Variants in IP6K1 observed in about 807,000 individuals in gnomAD.
The protein encoded by IP6K1 is inositol hexakisphosphate kinase 1.
IP6K1 carries 13 observed loss-of-function variants against 38.3 expected under a neutral mutation model. The ratio of observed to expected loss-of-function variants is 0.34; its 90% CI spans 0.22 to 0.54. The LOEUF (loss-of-function observed/expected upper bound fraction) is 0.54, where lower values mean the gene tolerates loss of function less well. IP6K1 is among the 20% of genes least tolerant of loss of function. The probability of loss-of-function intolerance (pLI) is 0.92; values close to 1 mark genes in which losing one functional copy is unlikely to be tolerated. For missense variants in IP6K1, 397 were observed against 599.8 expected (o/e 0.66, Z 3.53); for synonymous variants, 212 against 229.9 (o/e 0.92, Z 0.70).
chr3:49,761,205 C>T (rs1384828544), intron 1 of IP6K1, among the ~76,000 whole-genome samples: 1 of 151,920 alleles, frequency 6.6e-6, no homozygotes, highest in Non-Finnish European at 1.5e-5. Flanking sequence ...GTCCCAGCTA[C>T]TCGGGAGGCC....
chr3:49,733,216 G>C (rs1329796854), intron 3 of IP6K1, among the ~76,000 whole-genome samples: 3 of 151,904 alleles, frequency 2.0e-5, no homozygotes, highest in Non-Finnish European at 4.4e-5. Context: ...CAAATTATGT[G>C]ATGAAAATAC....
chr3:49,762,270 G>A (rs972014462), intron 1 of IP6K1, among the ~76,000 whole-genome samples: 23 of 152,256 alleles, frequency 1.5e-4, no homozygotes, highest in African/African-American at 5.1e-4. Context: ...CAGGCCGGGT[G>A]TGGTGGCTCA....
At chr3:49,735,358 T>C (rs2080599939) in intron 3 of IP6K1, among the ~76,000 whole-genome samples, 1 of 152,068 alleles carries the variant, frequency 6.6e-6, no homozygotes, top group African/African-American at 2.4e-5. Flanking sequence ...CAAGACCTTG[T>C]CTCTAAAAAG....
chr3:49,783,478 C>T (rs180679248), intron 1 of IP6K1, among the ~76,000 whole-genome samples: 10 of 151,878 alleles, frequency 6.6e-5, no homozygotes, highest in African/African-American at 1.9e-4. Context: ...TTTGGGAGGC[C>T]GAGGTAGACG....
chr3:49,743,604 T>C lies in IP6K1; in HGVS notation c.223+4214A>G, dbSNP rs139575318. ...TGAGGTGGGAGGATCACTTGAGCCA[T>C]AGTTTTTTTTTTTTGTTTTTTTTTT... On this transcript the variant is annotated intron_variant, in intron 2 of 5. Coordinates refer to ENST00000321599, the MANE Select transcript of IP6K1 (RefSeq NM_153273.4). 4.8e-3 allele frequency among the ~76,000 whole-genome samples: 703 copies of C among 147,842 alleles called. 7 individuals carry two copies. Among genetic ancestry groups the C allele is most frequent in the African/African-American group, 0.016 (633 of 40,668 alleles).
intron 1 of IP6K1, among the ~76,000 whole-genome samples, chr3:49,764,519 T>C (rs1341195478): frequency 5.9e-5 from 9 of 152,172 alleles, no homozygotes; most frequent in African/African-American, 2.2e-4. Context: ...TGCAGGTTTT[T>C]TGACTGTGTG....
At chr3:49,738,474 T>A in intron 2 of IP6K1, 52 bp from the exon 3 acceptor site, 1 of 1,419,628 alleles carries the variant, frequency 7.0e-7, no homozygotes, top group Non-Finnish European at 1.0e-6. Context: ...GCCGAGTCTA[T>A]GCAGCACAGA....
intron 3 of IP6K1, among the ~76,000 whole-genome samples, chr3:49,736,419 T>C (rs1471303140): frequency 6.6e-6 from 1 of 152,126 alleles, no homozygotes; most frequent in Non-Finnish European, 1.5e-5. Flanking sequence ...ACCTACCTTT[T>C]CTCTCTATAG....
In IP6K1 at chr3:49,725,634, A is replaced by C. The variant is rs983087112; in HGVS notation, c.*1488T>G. 2 of 152,730 alleles carry C rather than the reference A, an allele frequency of 1.3e-5. No homozygotes were observed. Among genetic ancestry groups the C allele is most frequent in the African/African-American group, 4.8e-5 (2 of 41,468 alleles). The allele number at this position is 152,730 out of a possible 1,614,324, so 9.5% of individuals were successfully genotyped here. A position where few individuals can be genotyped will look rare whatever the true frequency, so the allele number is the denominator to read the frequency against. On this transcript the variant is annotated 3_prime_UTR_variant, in exon 6 of 6. Coordinates refer to ENST00000321599, the MANE Select transcript of IP6K1 (RefSeq NM_153273.4). ...ATGAACAGTGTGGCCCTAGGCTCAA[A>C]GGAGAGGGTGCTAACCTTGGCAATG...
At chr3:49,734,155 A>C (rs2080586129) in intron 3 of IP6K1, among the ~76,000 whole-genome samples, 1 of 151,980 alleles carries the variant, frequency 6.6e-6, no homozygotes, top group South Asian at 2.1e-4. Context: ...TAAATAATAA[A>C]ATAAAATAAA....
chr3:49,761,654 T>C (rs1020613493), intron 1 of IP6K1, among the ~76,000 whole-genome samples: 5 of 150,546 alleles, frequency 3.3e-5, no homozygotes, highest in Non-Finnish European at 5.9e-5. Flanking sequence ...AAGGTTCTCA[T>C]TAACAACTTA....
chr3:49,727,044 G>A lies in IP6K1; in HGVS notation c.*78C>T. 5 of 1,373,316 alleles carry A rather than the reference G, an allele frequency of 3.6e-6. No homozygotes were observed. Among genetic ancestry groups the A allele is most frequent in the Non-Finnish European group, 5.0e-6 (5 of 1,004,920 alleles). 85.1% of individuals were successfully genotyped at this position (1,373,316 alleles called of 1,614,324 possible). ...TATAACCCTTTAAAAGCAAGTCTGT[G>A]TGTCCTCACGGCAAGTTCAGAACAA... On this transcript the variant is annotated 3_prime_UTR_variant, in exon 6 of 6. Transcript: ENST00000321599. The surrounding 1 kb of genome is among the most constrained non-coding windows in gnomAD (Gnocchi z 5.9).
At chr3:49,776,121 A>T (rs2081006228) in intron 1 of IP6K1, among the ~76,000 whole-genome samples, 1 of 151,838 alleles carries the variant, frequency 6.6e-6, no homozygotes, top group South Asian at 2.1e-4. Context: ...TTTCCTTCTG[A>T]GAAATTGGAA....
chr3:49,730,212 T>C (rs533724718), intron 4 of IP6K1, among the ~76,000 whole-genome samples: 1 of 152,046 alleles, frequency 6.6e-6, no homozygotes, highest in Admixed American at 6.5e-5. Flanking sequence ...ATTTTTAATG[T>C]TTTTTTTAGA....
chr3:49,778,929 C>G (rs1468675795), intron 1 of IP6K1, among the ~76,000 whole-genome samples: 1 of 152,102 alleles, frequency 6.6e-6, no homozygotes, highest in East Asian at 1.9e-4. Flanking sequence ...CCAGCCAATA[C>G]GTTTTTAATT....
chr3:49,725,591 C>G lies in IP6K1; in HGVS notation c.*1531G>C, dbSNP rs894161086. The G allele has an allele frequency of 1.3e-5, 2 of 152,694 alleles. No individual in the cohort carries two copies. Among genetic ancestry groups the G allele is most frequent in the African/African-American group, 2.4e-5 (1 of 41,454 alleles). 9.5% of individuals were successfully genotyped at this position (152,694 alleles called of 1,614,324 possible). A position where few individuals can be genotyped will look rare whatever the true frequency, so the allele number is the denominator to read the frequency against. On this transcript the variant is annotated 3_prime_UTR_variant, in exon 6 of 6. Coordinates refer to ENST00000321599, the MANE Select transcript of IP6K1 (RefSeq NM_153273.4). ...AGGCTTACCTTTAAAGCCAAACAGG[C>G]ACTTGCCTAAAGTGACAATGAACAG... is the stretch of plus-strand genomic sequence containing the variant.
intron 1 of IP6K1, among the ~76,000 whole-genome samples, chr3:49,764,432 TTGTG>T (rs2080892125): frequency 1.3e-5 from 2 of 152,046 alleles, no homozygotes; most frequent in African/African-American, 4.8e-5. Flanking sequence ...TATATATTGA[TTGTG>T]TATGTTATCA....
chr3:49,742,756 C>T (rs73077180), intron 2 of IP6K1, among the ~76,000 whole-genome samples: 4 of 151,068 alleles, frequency 2.6e-5, no homozygotes, highest in Admixed American at 1.3e-4. Context: ...AAAAAAGAGC[C>T]GGTGCACACC....
At chr3:49,751,006 G>C (rs956698756) in intron 1 of IP6K1, among the ~76,000 whole-genome samples, 1 of 152,152 alleles carries the variant, frequency 6.6e-6, no homozygotes, top group Non-Finnish European at 1.5e-5. Context: ...TGCTTTACAA[G>C]GTGTGGATGG....
Sources: allele counts gnomAD v4.1 joint callset (sites outside exome capture counted in the v4.1 genomes callset), GRCh38; gene constraint gnomAD v4.1.1; non-coding constraint Gnocchi (gnomAD v3.1); transcripts MANE v1.5; gene names NCBI Gene and HGNC (gene_info 2026-07-23, HGNC 2026-07-21).